The following NKAIN2 variants were observed in gnomAD, a reference collection of about 807,000 sequenced individuals.
The protein encoded by NKAIN2 is sodium/potassium transporting ATPase interacting 2, also known as sodium/potassium-transporting ATPase subunit beta-1-interacting protein 2.
A neutral mutation model predicts 32.6 loss-of-function variants in NKAIN2; 14 were observed. The observed-to-expected ratio is 0.43, with a 90% confidence interval of 0.28 to 0.67. The LOEUF is 0.67. NKAIN2 is among the 30% of genes least tolerant of loss of function. NKAIN2 has a pLI of 0.17. For synonymous variants in NKAIN2, 80 were observed against 87.2 expected, an observed-to-expected ratio of 0.92 and a Z score of 0.46; for missense variants, 198 against 258.3, an observed-to-expected ratio of 0.77 and a Z score of 1.60.
At chr6:124,528,094 A>G (rs369062161) in intron 3 of NKAIN2, among the ~76,000 whole-genome samples, 13 of 152,200 alleles carry the variant, frequency 8.5e-5, no homozygotes, top group African/African-American at 3.1e-4. Context: ...ATCAGCAGCA[A>G]TGTGAGATTC....
rs141665289 is a variant in NKAIN2 at position 124,288,906 on chromosome 6, C to T, written c.192+5764C>T. ...CTAATGAAGAATCTTTCTATGACAC[C>T]AAGTTAGACTACAATAACTAATTCT... On this transcript the variant is annotated intron_variant, in intron 2 of 6. Coordinates refer to ENST00000368417, the MANE Select transcript of NKAIN2 (RefSeq NM_001040214.3). Among the ~76,000 whole-genome samples, 460 of 152,146 alleles carry T rather than the reference C, an allele frequency of 3.0e-3. 3 individuals are homozygous for T. The highest frequency in any genetic ancestry group is 0.026 in the South Asian group (124 of 4,824).
chr6:124,343,627 T>C (rs1798253131), intron 2 of NKAIN2, among the ~76,000 whole-genome samples: 1 of 151,414 alleles, frequency 6.6e-6, no homozygotes, highest in East Asian at 1.9e-4. Flanking sequence ...CATAAATGTC[T>C]TCTTTTGAGA....
chr6:124,330,205 G>A (rs1438892888), intron 2 of NKAIN2, among the ~76,000 whole-genome samples: 1 of 152,138 alleles, frequency 6.6e-6, no homozygotes, highest in Non-Finnish European at 1.5e-5. Context: ...CAAGTGGTGA[G>A]GTCCTCATTG....
intron 4 of NKAIN2, among the ~76,000 whole-genome samples, chr6:124,781,767 T>C (rs1157557566): frequency 2.0e-5 from 3 of 152,128 alleles, no homozygotes; most frequent in Non-Finnish European, 2.9e-5. Flanking sequence ...ACACCAATTA[T>C]AGCCAAGTTC....
chr6:124,393,247 A>G (rs531602084), intron 3 of NKAIN2, among the ~76,000 whole-genome samples: 200 of 152,258 alleles, frequency 1.3e-3, no homozygotes, highest in South Asian at 4.1e-3. Flanking sequence ...ATAAAATACT[A>G]CAGAGATATT....
chr6:124,713,930 T>C (rs1775622341), intron 4 of NKAIN2, among the ~76,000 whole-genome samples: 1 of 152,250 alleles, frequency 6.6e-6, no homozygotes, highest in African/African-American at 2.4e-5. Flanking sequence ...CAGTAGTTTT[T>C]ATCTCCAAGA....
At chr6:124,742,030 C>T (rs1777235586) in intron 4 of NKAIN2, among the ~76,000 whole-genome samples, 1 of 151,746 alleles carries the variant, frequency 6.6e-6, no homozygotes, top group Non-Finnish European at 1.5e-5. Context: ...GGGATACTGC[C>T]TCCATCAACT....
chr6:124,245,302 A>G (rs1793337092), intron 1 of NKAIN2, among the ~76,000 whole-genome samples: 1 of 152,092 alleles, frequency 6.6e-6, no homozygotes, highest in Non-Finnish European at 1.5e-5. Flanking sequence ...TTCAAAAGAT[A>G]CTCAGCAGCT....
intron 1 of NKAIN2, among the ~76,000 whole-genome samples, chr6:124,241,764 C>T (rs942690777): frequency 2.0e-5 from 3 of 152,052 alleles, no homozygotes; most frequent in African/African-American, 7.2e-5. Context: ...ACTATAAATC[C>T]CTCCACTGTT....
At chr6:123,873,508 G>A (rs1206633897) in intron 1 of NKAIN2, among the ~76,000 whole-genome samples, 4 of 152,160 alleles carry the variant, frequency 2.6e-5, no homozygotes, top group African/African-American at 7.2e-5. Flanking sequence ...GTGCACTGAC[G>A]TGATCTTTAT....
At chr6:123,993,720 T>C (rs1779503674) in intron 1 of NKAIN2, among the ~76,000 whole-genome samples, 1 of 152,154 alleles carries the variant, frequency 6.6e-6, no homozygotes, top group Non-Finnish European at 1.5e-5. Flanking sequence ...ATATAAAGTT[T>C]TATGTTCCAG....
At chr6:124,465,001 C>T (rs1000884256) in intron 3 of NKAIN2, among the ~76,000 whole-genome samples, 6 of 151,946 alleles carry the variant, frequency 3.9e-5, no homozygotes, top group African/African-American at 4.8e-5. Context: ...TATCCATGAG[C>T]GTGTACTGTT....
At chr6:124,652,545 T>C (rs1435558607) in intron 3 of NKAIN2, among the ~76,000 whole-genome samples, 1 of 152,188 alleles carries the variant, frequency 6.6e-6, no homozygotes. Context: ...TCTATCTTAG[T>C]TTGTTTTGGG....
At chr6:124,460,190 T>C (rs1776478657) in intron 3 of NKAIN2, among the ~76,000 whole-genome samples, 1 of 151,742 alleles carries the variant, frequency 6.6e-6, no homozygotes, top group Non-Finnish European at 1.5e-5. Flanking sequence ...TCACTCCCTG[T>C]CTTTGCCTCT....
intron 4 of NKAIN2, among the ~76,000 whole-genome samples, chr6:124,734,215 A>G (rs1451893174): frequency 6.6e-6 from 1 of 151,820 alleles, no homozygotes; most frequent in Non-Finnish European, 1.5e-5. Context: ...TATAACCCTT[A>G]TTATTCATAT....
chr6:124,093,634 C>A (rs987065694), intron 1 of NKAIN2, among the ~76,000 whole-genome samples: 1 of 152,060 alleles, frequency 6.6e-6, no homozygotes, highest in Non-Finnish European at 1.5e-5. Context: ...ACCTGTTTAA[C>A]CTATGTTTAA....
chr6:124,121,958 A>G (rs1785906384), intron 1 of NKAIN2: 2 of 1,054,044 alleles, frequency 1.9e-6, no homozygotes, highest in Non-Finnish European at 2.6e-6. Flanking sequence ...TTTTCAGAGT[A>G]ATATTTTTCC....
At chr6:124,232,618 TC>T (rs1750607190) in intron 1 of NKAIN2, among the ~76,000 whole-genome samples, 1 of 151,196 alleles carries the variant, frequency 6.6e-6, no homozygotes, top group Non-Finnish European at 1.5e-5. Flanking sequence ...TAAGTCTGTC[TC>T]TATGTTATCC....
At chr6:124,796,225 A>T (rs1244248461) in intron 5 of NKAIN2, among the ~76,000 whole-genome samples, 1 of 152,124 alleles carries the variant, frequency 6.6e-6, no homozygotes, top group Non-Finnish European at 1.5e-5. Context: ...TTGCTCTCCA[A>T]AATCTAGGTG....
Sources: gnomAD v4.1 joint callset for allele counts (sites outside exome capture counted in the v4.1 genomes callset) on GRCh38, gnomAD v4.1.1 for gene constraint, MANE v1.5 for transcripts, NCBI Gene and HGNC (gene_info 2026-07-23, HGNC 2026-07-21) for gene names.